The following DDAH1 variants were observed in gnomAD, a reference collection of about 807,000 sequenced individuals.
DDAH1 encodes the protein dimethylarginine dimethylaminohydrolase 1, also known as N(G),N(G)-dimethylarginine dimethylaminohydrolase 1.
In DDAH1, 19 loss-of-function variants were observed where a neutral mutation model predicts 28.8. The ratio of observed to expected loss-of-function variants is 0.66; its 90% CI spans 0.46 to 0.97. The LOEUF is 0.97. Among genes scored for constraint, DDAH1 ranks in the 50% least tolerant of loss-of-function variants. The pLI is 0.00. For missense variants in DDAH1, 326 were observed against 375.9 expected (o/e 0.87, Z 1.10); for synonymous variants, 153 against 154.4 (o/e 0.99, Z 0.07).
chr1:85,545,954 A>G (rs1235263623), intron 1 of DDAH1, among the ~76,000 whole-genome samples: 2 of 152,166 alleles, frequency 1.3e-5, no homozygotes, highest in Non-Finnish European at 2.9e-5. Context: ...AAGCACTGGC[A>G]TGTCAACTTT....
At chr1:85,554,339 G>A (rs965874830) in intron 1 of DDAH1, among the ~76,000 whole-genome samples, 4 of 138,944 alleles carry the variant, frequency 2.9e-5, no homozygotes, top group Admixed American at 7.9e-5. Context: ...GAAGAGATCA[G>A]TATCATGTCC....
chr1:85,354,118 G>T (rs1649370696), intron 2 of DDAH1, among the ~76,000 whole-genome samples: 1 of 152,036 alleles, frequency 6.6e-6, no homozygotes, highest in Admixed American at 6.6e-5. Flanking sequence ...TTTTTTTGAT[G>T]TCTTTTGTGT....
chr1:85,401,518 T>G (rs1652105967), intron 1 of DDAH1, among the ~76,000 whole-genome samples: 2 of 99,698 alleles, frequency 2.0e-5, no homozygotes, highest in African/African-American at 7.7e-5. Flanking sequence ...TTTTTTTTTT[T>G]GAGGAGGGTT....
chr1:85,401,776 T>C (rs1652121865), intron 1 of DDAH1, among the ~76,000 whole-genome samples: 2 of 152,174 alleles, frequency 1.3e-5, no homozygotes, highest in African/African-American at 4.8e-5. Context: ...GTGCTGGGAT[T>C]ATAGACATGA....
At chr1:85,436,666 A>T (rs1263186437) in intron 1 of DDAH1, among the ~76,000 whole-genome samples, 1 of 152,176 alleles carries the variant, frequency 6.6e-6, no homozygotes, top group Non-Finnish European at 1.5e-5. Context: ...TGGGCTAACT[A>T]ATCAATCAGA....
chr1:85,418,784 G>C (rs1303551012), intron 1 of DDAH1, among the ~76,000 whole-genome samples: 1 of 152,042 alleles, frequency 6.6e-6, no homozygotes, highest in African/African-American at 2.4e-5. Flanking sequence ...TTGGTTCCTG[G>C]TGCAACAGGA....
At chr1:85,484,218 T>C (rs879423148) in intron 2 of DDAH1, among the ~76,000 whole-genome samples, 15 of 151,950 alleles carry the variant, frequency 9.9e-5, no homozygotes, top group Admixed American at 9.2e-4. Flanking sequence ...GCTGAGTTTA[T>C]TGATACATAG....
intron 2 of DDAH1, 27 bp from the exon 3 acceptor site, chr1:85,351,606 G>C (rs376827550): frequency 6.4e-7 from 1 of 1,563,230 alleles, no homozygotes; most frequent in African/African-American, 1.4e-5. Flanking sequence ...GGAACATAGT[G>C]AGCAGGTGGC....
intron 1 of DDAH1, among the ~76,000 whole-genome samples, chr1:85,410,572 G>T (rs1245435001): frequency 6.6e-6 from 1 of 150,816 alleles, no homozygotes; most frequent in East Asian, 1.9e-4. Flanking sequence ...CTGGGAGGTG[G>T]AGGTTGTGGT....
chr1:85,388,950 A>G (rs1651411671), intron 1 of DDAH1, among the ~76,000 whole-genome samples: 1 of 152,214 alleles, frequency 6.6e-6, no homozygotes. Flanking sequence ...TTGAAATTAA[A>G]CAACTTGGTT....
At chr1:85,381,141 G>A (rs1447000040) in intron 1 of DDAH1, among the ~76,000 whole-genome samples, 4 of 151,632 alleles carry the variant, frequency 2.6e-5, no homozygotes, top group African/African-American at 9.7e-5. Context: ...GGGTGAGACA[G>A]GAGAACTGCT....
chr1:85,559,505 A>C (rs1659079318), intron 1 of DDAH1, among the ~76,000 whole-genome samples: 1 of 152,206 alleles, frequency 6.6e-6, no homozygotes, highest in South Asian at 2.1e-4. Flanking sequence ...AAGAGGAAAA[A>C]AATCGATCAA....
chr1:85,495,191 TGTATAG>T (rs1394028222), intron 2 of DDAH1: 1 of 151,592 alleles, frequency 6.6e-6, no homozygotes, highest in African/African-American at 2.4e-5. Flanking sequence ...TCTATCTGTC[TGTATAG>T]GTATTTCTAG....
intron 1 of DDAH1, among the ~76,000 whole-genome samples, chr1:85,394,414 T>C (rs967871590): frequency 6.6e-6 from 1 of 152,206 alleles, no homozygotes; most frequent in Non-Finnish European, 1.5e-5. Context: ...CTTTCCAGCC[T>C]CTAGAATAAT....
chr1:85,439,529 A>G (rs980205661), intron 1 of DDAH1, among the ~76,000 whole-genome samples: 1 of 152,256 alleles, frequency 6.6e-6, no homozygotes, highest in African/African-American at 2.4e-5. Flanking sequence ...ATCAGTATTT[A>G]GTAGTCAATA....
At position 85,491,148 on chromosome 1, in the gene DDAH1, A is replaced by C. The variant is rs1435588883; in HGVS notation, c.-7+5018T>G. 2.8e-4 allele frequency among the ~76,000 whole-genome samples: 42 copies of C among 151,340 alleles called. 1 individual carries two copies. Among genetic ancestry groups the C allele is most frequent in the Admixed American group, 2.8e-3 (42 of 15,170 alleles). On this transcript the variant is annotated intron_variant, in intron 2 of 6. Coordinates refer to the DDAH1 transcript ENST00000426972. ...TGCAACTTCTGCCTCCCAGGCTCAA[A>C]TGAGCCTCCCACCTCAGCCTCCCAA...
At chr1:85,327,160 A>G (rs1647457801) in intron 4 of DDAH1, among the ~76,000 whole-genome samples, 1 of 152,230 alleles carries the variant, frequency 6.6e-6, no homozygotes, top group Non-Finnish European at 1.5e-5. Context: ...AGCCTGGGCA[A>G]CATGGCGAAA....
At chr1:85,325,925 T>C (rs1647365744) in intron 4 of DDAH1, among the ~76,000 whole-genome samples, 1 of 152,238 alleles carries the variant, frequency 6.6e-6, no homozygotes, top group African/African-American at 2.4e-5. Flanking sequence ...TAGGAAGGTA[T>C]AACATGATCT....
At chr1:85,552,490 C>T (rs1380957324) in intron 1 of DDAH1, among the ~76,000 whole-genome samples, 1 of 152,182 alleles carries the variant, frequency 6.6e-6, no homozygotes, top group East Asian at 1.9e-4. Flanking sequence ...GTATCATATT[C>T]TACTTGTCCA....
Sources: allele counts gnomAD v4.1 joint callset (sites outside exome capture counted in the v4.1 genomes callset), GRCh38; gene constraint gnomAD v4.1.1; transcripts MANE v1.5; gene names NCBI Gene and HGNC (gene_info 2026-07-23, HGNC 2026-07-21).